The following IL34 variants were observed in gnomAD, a reference collection of about 807,000 sequenced individuals.
The protein encoded by IL34 is interleukin 34.
A neutral mutation model predicts 25.3 loss-of-function variants in IL34; 17 were observed. That is an observed-to-expected ratio of 0.67 (90% CI 0.46 to 1.01). The LOEUF is 1.01. IL34 is among the 50% of genes least tolerant of loss of function. The pLI is 0.00. For missense variants in IL34, 368 were observed against 312.9 expected, an observed-to-expected ratio of 1.18 and a Z score of -1.33; for synonymous variants, 174 against 140.9, an observed-to-expected ratio of 1.23 and a Z score of -1.66.
intron 1 of IL34, among the ~76,000 whole-genome samples, chr16:70,585,278 T>A (rs888587896): frequency 6.6e-6 from 1 of 152,128 alleles, no homozygotes; most frequent in African/African-American, 2.4e-5. Context: ...TGCTCTGTCA[T>A]CCAGGCTTGA....
At chr16:70,621,836 T>G (rs1390616617) in intron 1 of IL34, among the ~76,000 whole-genome samples, 1 of 151,456 alleles carries the variant, frequency 6.6e-6, no homozygotes, top group African/African-American at 2.4e-5. Flanking sequence ...AGTGGGGGTG[T>G]TTTTGAGCCA....
chr16:70,652,940 G>C (rs918926300), intron 1 of IL34, among the ~76,000 whole-genome samples: 4 of 152,110 alleles, frequency 2.6e-5, no homozygotes, highest in African/African-American at 9.7e-5. Context: ...ATGGTGGCTC[G>C]TGCCTGTAAA....
At chr16:70,601,676 A>G (rs2050920169) in intron 1 of IL34, among the ~76,000 whole-genome samples, 1 of 152,216 alleles carries the variant, frequency 6.6e-6, no homozygotes, top group African/African-American at 2.4e-5. Flanking sequence ...CTGAGATTAT[A>G]GGCATGAGCC....
chr16:70,618,393 G>C (rs544313913), intron 1 of IL34, among the ~76,000 whole-genome samples: 2 of 152,160 alleles, frequency 1.3e-5, no homozygotes, highest in African/African-American at 4.8e-5. Flanking sequence ...AACGGTAATT[G>C]TGGGAGACTC....
intron 1 of IL34, chr16:70,580,093 T>C (rs2151799988): frequency 6.6e-6 from 1 of 152,624 alleles, no homozygotes; most frequent in Admixed American, 6.5e-5. Context: ...GGCTTTCCTC[T>C]GCCTCTGACG....
chr16:70,654,485 G>T, intron 1 of IL34, 53 bp from the exon 2 acceptor site: 1 of 1,537,508 alleles, frequency 6.5e-7, no homozygotes, highest in South Asian at 1.3e-5. Flanking sequence ...TGTTGTGGAC[G>T]GCGTGGATGA....
At position 70,654,617 on chromosome 16, in the gene IL34, T is replaced by C. The variant is rs2052166356; in HGVS notation, c.108T>C (p.Thr36=). 3 of 1,613,406 alleles carry C rather than the reference T, an allele frequency of 1.9e-6. No homozygotes were observed. Among genetic ancestry groups the C allele is most frequent in the Non-Finnish European group, 2.5e-6 (3 of 1,179,436 alleles). Residue 36 remains threonine (T), a synonymous_variant, in exon 2 of 6, where the codon ACT becomes ACC. Coordinates refer to ENST00000288098, the MANE Select transcript of IL34 (RefSeq NM_001393494.1). ...CCTTGACGCAGAATGAGGAGTGCAC[T>C]GTCACGGGTTTTCTGCGGGACAAGC... ...MWPLTQNEEC[T]VTGFLRDKLQ...
chr16:70,634,603 C>T (rs1307830955), intron 1 of IL34, among the ~76,000 whole-genome samples: 1 of 151,916 alleles, frequency 6.6e-6, no homozygotes, highest in African/African-American at 2.4e-5. Context: ...TTCCTTGAAC[C>T]CAGGAGGCGG....
chr16:70,586,442 G>T (rs1156256838), intron 1 of IL34, among the ~76,000 whole-genome samples: 2 of 152,168 alleles, frequency 1.3e-5, no homozygotes, highest in African/African-American at 2.4e-5. Context: ...TGTAGTTCCA[G>T]CTACTTGGGA....
chr16:70,638,976 G>T (rs559978682), intron 1 of IL34, among the ~76,000 whole-genome samples: 2 of 152,274 alleles, frequency 1.3e-5, no homozygotes, highest in Admixed American at 1.3e-4. Context: ...CTGGTTCAGG[G>T]GTGTTGTGGT....
At chr16:70,637,776 T>C (rs769953485) in intron 1 of IL34, among the ~76,000 whole-genome samples, 10 of 152,200 alleles carry the variant, frequency 6.6e-5, no homozygotes, top group Admixed American at 2.6e-4. Context: ...GAATCTGACT[T>C]TTTTCAGAGA....
chr16:70,656,817 T>C (rs1027840249), intron 3 of IL34, 138 bp downstream of exon 3: 2 of 1,077,554 alleles, frequency 1.9e-6, no homozygotes, highest in African/African-American at 3.1e-5. Context: ...AGGCTGGCCC[T>C]TGGCCCAGGC....
chr16:70,601,980 C>A (rs777641829), intron 1 of IL34, among the ~76,000 whole-genome samples: 1 of 152,230 alleles, frequency 6.6e-6, no homozygotes. Context: ...AGATGGCAAA[C>A]CCATCCATGG....
chr16:70,619,149 C>A (rs2051223726), intron 1 of IL34, among the ~76,000 whole-genome samples: 1 of 152,068 alleles, frequency 6.6e-6, no homozygotes, highest in African/African-American at 2.4e-5. Flanking sequence ...CTTTAAAAGG[C>A]CATGCTGTAG....
At chr16:70,617,462 A>G (rs2051190767) in intron 1 of IL34, among the ~76,000 whole-genome samples, 1 of 152,198 alleles carries the variant, frequency 6.6e-6, no homozygotes, top group Non-Finnish European at 1.5e-5. Flanking sequence ...ATGACTAGAC[A>G]GAAGATAGTA....
At chr16:70,645,334 A>G (rs139406513), upstream of IL34, among the ~76,000 whole-genome samples, 681 of 152,302 alleles carry the variant, frequency 4.5e-3, 3 homozygotes, top group African/African-American at 0.016. Flanking sequence ...AAGGGCCAGC[A>G]TTCTTTGGTG....
chr16:70,619,370 A>G (rs1227102037), intron 1 of IL34, among the ~76,000 whole-genome samples: 3 of 152,072 alleles, frequency 2.0e-5, no homozygotes, highest in South Asian at 2.1e-4. Flanking sequence ...AAGGGTGGCA[A>G]TGAGATATAG....
chr16:70,599,585 C>T (rs1323946208), intron 1 of IL34, among the ~76,000 whole-genome samples: 1 of 148,542 alleles, frequency 6.7e-6, no homozygotes, highest in Admixed American at 6.7e-5. Flanking sequence ...CCAGGTTGGT[C>T]TCAGGTCTCG....
intron 1 of IL34, among the ~76,000 whole-genome samples, chr16:70,622,643 G>A (rs982700943): frequency 1.3e-4 from 19 of 151,996 alleles, no homozygotes; most frequent in Admixed American, 8.5e-4. Flanking sequence ...ACAGTCATGG[G>A]GGTCAGGTGT....
Sources: allele counts gnomAD v4.1 joint callset (sites outside exome capture counted in the v4.1 genomes callset), GRCh38; gene constraint gnomAD v4.1.1; transcripts MANE v1.5; gene names NCBI Gene and HGNC (gene_info 2026-07-23, HGNC 2026-07-21).